The following ADH1C variants were observed in gnomAD, a reference collection of about 807,000 sequenced individuals.
The protein encoded by ADH1C is alcohol dehydrogenase 1C.
Under a neutral mutation model 35.0 loss-of-function variants are expected in ADH1C, and 26 were observed. That is an observed-to-expected ratio of 0.74 (90% CI 0.54 to 1.03). ADH1C has a LOEUF of 1.03. Among genes scored for constraint, ADH1C ranks in the 50% least tolerant of loss-of-function variants. The probability of loss-of-function intolerance (pLI) is 0.00; values close to 1 mark genes in which losing one functional copy is unlikely to be tolerated. For missense variants in ADH1C, 413 were observed against 465.4 expected, an observed-to-expected ratio of 0.89 and a Z score of 1.04; for synonymous variants, 170 against 169.3, an observed-to-expected ratio of 1.00 and a Z score of -0.03.
chr4:99,340,095 C>A (rs35189763), intron 7 of ADH1C, among the ~76,000 whole-genome samples: 12,098 of 152,172 alleles, frequency 0.08, 579 homozygotes, highest in Non-Finnish European at 0.1. Flanking sequence ...AGATGAAAGT[C>A]CTGGTTAATA....
In ADH1C at chr4:99,347,044, ACGATGCCGG is replaced by A. The variant is rs1261009734; in HGVS notation, c.212_220del (p.Ala71_Ile73del). The A allele has an allele frequency of 3.7e-6, 6 of 1,614,010 alleles. No homozygotes were observed. The South Asian group carries it at 6.6e-5, about 18-fold the overall frequency. On this transcript the variant is annotated inframe_deletion, in exon 3 of 9. Coordinates refer to ENST00000515683, the MANE Select transcript of ADH1C (RefSeq NM_000669.5). ...AGTCACCCCTTCTCCAACACTTTCC[ACGATGCCGG>A]CTGCCTCATGGCCTAAAATCACAGG...
intron 1 of ADH1C, among the ~76,000 whole-genome samples, chr4:99,349,492 G>T (rs1284505740): frequency 6.6e-6 from 1 of 151,942 alleles, no homozygotes; most frequent in East Asian, 1.9e-4. Flanking sequence ...CCTTTACTTT[G>T]CTGACAGAGT....
intron 1 of ADH1C, among the ~76,000 whole-genome samples, chr4:99,351,725 C>T (rs1176639800): frequency 6.6e-6 from 1 of 152,132 alleles, no homozygotes; most frequent in East Asian, 1.9e-4. Flanking sequence ...GCCTCAGAAC[C>T]TTTAAACTGA....
chr4:99,347,461 A>C (rs372008800), intron 2 of ADH1C, among the ~76,000 whole-genome samples: 3 of 152,210 alleles, frequency 2.0e-5, no homozygotes, highest in African/African-American at 7.2e-5. Context: ...CACCAAGAAA[A>C]TATCTAATGC....
intron 1 of ADH1C, 103 bp from the exon 2 acceptor site, chr4:99,347,949 G>A (rs891818606): frequency 2.3e-6 from 3 of 1,308,398 alleles, no homozygotes; most frequent in Non-Finnish European, 3.3e-6. Flanking sequence ...CCCATGTCTG[G>A]CACCTAACAA....
Position 99,345,275 on chromosome 4 carries a change from G to A in ADH1C, c.260-9C>T. 1 of 1,609,208 alleles carries A rather than the reference G, an allele frequency of 6.2e-7. No individual in the cohort carries two copies. The highest frequency in any genetic ancestry group is 8.5e-7 in the Non-Finnish European group (1 of 1,176,668). ...CGGGATGACTTTATCACCTGCAGAGGAATAAAACAAATTCTTCTTAAATTT... is the reference window on the plus strand; with the variant it reads ...CGGGATGACTTTATCACCTGCAGAGAAATAAAACAAATTCTTCTTAAATTT... On this transcript the variant is annotated splice_polypyrimidine_tract_variant and intron_variant, in intron 3 of 8. Coordinates refer to ENST00000515683, the MANE Select transcript of ADH1C (RefSeq NM_000669.5).
chr4:99,339,505 A>T, intron 8 of ADH1C, 72 bp downstream of exon 8: 4 of 1,135,784 alleles, frequency 3.5e-6, no homozygotes, highest in Non-Finnish European at 4.6e-6. Context: ...ATTCTCTGCT[A>T]GACAACGCCC....
At chr4:99,345,447 A>G (rs1734511025) in intron 3 of ADH1C, among the ~76,000 whole-genome samples, 181 bp from the exon 4 acceptor site, 1 of 152,252 alleles carries the variant, frequency 6.6e-6, no homozygotes, top group Non-Finnish European at 1.5e-5. Flanking sequence ...GTTTGGGTTT[A>G]TAAGTGCCTG....
chr4:99,348,461 A>C (rs1195829033), intron 1 of ADH1C, among the ~76,000 whole-genome samples: 2 of 150,166 alleles, frequency 1.3e-5, no homozygotes, highest in African/African-American at 5.0e-5. Flanking sequence ...TGAACTCATC[A>C]TTTTTTATGG....
chr4:99,338,395 C>CTATGTA (rs1734328936), intron 8 of ADH1C, among the ~76,000 whole-genome samples: 1 of 38,946 alleles, frequency 2.6e-5, no homozygotes, highest in Non-Finnish European at 4.7e-5. Flanking sequence ...ATACTGTTTT[C>CTATGTA]TATATATATA....
intron 8 of ADH1C, among the ~76,000 whole-genome samples, chr4:99,337,516 C>T (rs1476015761): frequency 6.6e-6 from 1 of 151,926 alleles, no homozygotes; most frequent in African/African-American, 2.4e-5. Flanking sequence ...AGAATTAATG[C>T]CTTTTCTATA....
In ADH1C at chr4:99,346,929, G is replaced by T; in HGVS notation, c.259+77C>A. 1.9e-6 allele frequency: 3 copies of T among 1,555,564 alleles called. No homozygotes were observed. In the South Asian group the frequency reaches 3.7e-5, roughly 19 times the overall value. Reference sequence around the variant, plus strand: ...TGTGCAAGTCCTTTCGTCTTTCATTGCCTCGGTTTCCTCATCCAGGCTGAC... The same window carrying T: ...TGTGCAAGTCCTTTCGTCTTTCATTTCCTCGGTTTCCTCATCCAGGCTGAC... On this transcript the variant is annotated intron_variant, in intron 3 of 8. Transcript: ENST00000515683.
chr4:99,347,356 A>G (rs1734560374), intron 2 of ADH1C, among the ~76,000 whole-genome samples: 1 of 152,248 alleles, frequency 6.6e-6, no homozygotes, highest in Non-Finnish European at 1.5e-5. Context: ...AACAATTTAG[A>G]ATAATCTGTG....
Position 99,347,052 on chromosome 4 carries a change from G to T in ADH1C, c.213C>A (p.Ala71=), listed in dbSNP as rs757625289. 6.2e-7 allele frequency: 1 copy of T among 1,614,008 alleles called. No homozygotes were observed. The highest frequency in any genetic ancestry group is 8.5e-7 in the Non-Finnish European group (1 of 1,179,992). The change falls in exon 3 of 9, where the codon GCC becomes GCA. Residue 71 remains alanine, a synonymous_variant. Transcript: ENST00000515683. The part of the protein sequence containing the change: ...PLPVILGHEA[A]GIVESVGEGV... ...CTTCTCCAACACTTTCCACGATGCC[G>T]GCTGCCTCATGGCCTAAAATCACAG...
intron 1 of ADH1C, among the ~76,000 whole-genome samples, chr4:99,350,820 A>G (rs1013661826): frequency 6.6e-6 from 1 of 152,184 alleles, no homozygotes; most frequent in Non-Finnish European, 1.5e-5. Flanking sequence ...AATTTTCCTG[A>G]AGTCTCAAAG....
At chr4:99,349,058 T>C (rs2110663149) in intron 1 of ADH1C, among the ~76,000 whole-genome samples, 1 of 142,210 alleles carries the variant, frequency 7.0e-6, no homozygotes, top group East Asian at 2.0e-4. Context: ...TTGCGAAAAT[T>C]TTCTCCCATT....
intron 1 of ADH1C, among the ~76,000 whole-genome samples, chr4:99,348,696 C>T (rs1301268596): frequency 8.6e-5 from 13 of 151,150 alleles, no homozygotes; most frequent in African/African-American, 3.2e-4. Context: ...CCTGAGGAAT[C>T]GCCACACTGA....
chr4:99,338,395 CTATATA>C (rs35124782), intron 8 of ADH1C, among the ~76,000 whole-genome samples: 889 of 38,796 alleles, frequency 0.023, 16 homozygotes, highest in Non-Finnish European at 0.034. Flanking sequence ...ATACTGTTTT[CTATATA>C]TATATATATA....
chr4:99,336,874 C>T, intron 8 of ADH1C, 98 bp from the exon 9 acceptor site: 3 of 1,540,118 alleles, frequency 1.9e-6, no homozygotes, highest in East Asian at 4.6e-5. Context: ...TAGTGAAAAT[C>T]TCTCTGTGTT....
Sources: allele counts gnomAD v4.1 joint callset (sites outside exome capture counted in the v4.1 genomes callset), GRCh38; gene constraint gnomAD v4.1.1; transcripts MANE v1.5; gene names NCBI Gene and HGNC (gene_info 2026-07-23, HGNC 2026-07-21).